The following SORCS2 variants were observed in gnomAD, a reference collection of about 807,000 sequenced individuals.
SORCS2 encodes VPS10 domain-containing receptor SorCS2.
In SORCS2, 100 loss-of-function variants were observed where a neutral mutation model predicts 141.6. That is an observed-to-expected ratio of 0.71 (90% CI 0.60 to 0.83). The LOEUF (loss-of-function observed/expected upper bound fraction) is 0.83. Among genes scored for constraint, SORCS2 ranks in the 40% least tolerant of loss-of-function variants. The pLI, the probability that SORCS2 is intolerant of heterozygous loss-of-function variation, is 0.00. For synonymous variants in SORCS2, 789 were observed against 676.9 expected (o/e 1.17, Z -2.57); for missense variants, 1,646 against 1,560.2 (o/e 1.05, Z -0.93).
At chr4:7,291,150 T>C (rs1446973041) in intron 1 of SORCS2, among the ~76,000 whole-genome samples, 1 of 152,044 alleles carries the variant, frequency 6.6e-6, no homozygotes, top group Non-Finnish European at 1.5e-5. Context: ...CAGAGGCACC[T>C]GTGACATGAA....
intron 1 of SORCS2, among the ~76,000 whole-genome samples, chr4:7,371,458 C>A (rs993349816): frequency 6.6e-6 from 1 of 152,164 alleles, no homozygotes; most frequent in Non-Finnish European, 1.5e-5. Flanking sequence ...CCTCACGCTC[C>A]GCCTTGCTCT....
In SORCS2 at chr4:7,697,301, C is replaced by T. The variant is rs572628461; in HGVS notation, c.1668+27C>T. 2.7e-5 allele frequency: 42 copies of T among 1,549,252 alleles called. No individual in the cohort carries two copies. In the African/African-American group the frequency reaches 5.4e-4, roughly 20 times the overall value. On this transcript the variant is annotated intron_variant, in intron 12 of 26. Coordinates refer to ENST00000507866, the MANE Select transcript of SORCS2 (RefSeq NM_020777.3). ...TAAGCTGGCTGGGAGGTGCCTGGTA[C>T]CCCCCACCCCATCCAGCCGGGACCC...
At chr4:7,468,860 G>A (rs1005507064) in intron 2 of SORCS2, among the ~76,000 whole-genome samples, 17 of 152,304 alleles carry the variant, frequency 1.1e-4, no homozygotes, top group Middle Eastern at 3.4e-3. Context: ...CCAAAACGCC[G>A]TATCTGTTGT....
intron 26 of SORCS2, among the ~76,000 whole-genome samples, chr4:7,738,383 T>A (rs906430962): frequency 6.6e-6 from 1 of 152,174 alleles, no homozygotes; most frequent in Non-Finnish European, 1.5e-5. Flanking sequence ...GACATGGAAG[T>A]GCAAAGACAT....
At chr4:7,362,939 C>A (rs62635988) in intron 1 of SORCS2, among the ~76,000 whole-genome samples, 18 of 44,990 alleles carry the variant, frequency 4.0e-4, no homozygotes, top group Middle Eastern at 0.011. Context: ...TCATTACTAC[C>A]AACATCACCA....
At chr4:7,641,785 G>C (rs1720742180) in intron 4 of SORCS2, among the ~76,000 whole-genome samples, 1 of 119,516 alleles carries the variant, frequency 8.4e-6, no homozygotes, top group African/African-American at 3.0e-5. Context: ...TAAATGGATG[G>C]ATGGATGGAT....
intron 2 of SORCS2, among the ~76,000 whole-genome samples, chr4:7,481,261 A>C (rs557408427): frequency 6.6e-6 from 1 of 152,376 alleles, no homozygotes; most frequent in African/African-American, 2.4e-5. Context: ...TACAGAATGA[A>C]TAGTCCACTC....
chr4:7,204,724 C>T (rs1258474519), intron 1 of SORCS2, among the ~76,000 whole-genome samples: 1 of 152,198 alleles, frequency 6.6e-6, no homozygotes, highest in African/African-American at 2.4e-5. Context: ...TCACCTTTCC[C>T]TGTTCTGTTC....
intron 2 of SORCS2, among the ~76,000 whole-genome samples, chr4:7,429,979 C>G (rs1304883997): frequency 6.6e-6 from 1 of 152,190 alleles, no homozygotes; most frequent in Non-Finnish European, 1.5e-5. Flanking sequence ...CAACCCCCGT[C>G]CGGTGCACAG....
At chr4:7,523,375 G>T (rs983931698) in intron 2 of SORCS2, among the ~76,000 whole-genome samples, 1 of 152,190 alleles carries the variant, frequency 6.6e-6, no homozygotes, top group African/African-American at 2.4e-5. Context: ...AGAGCCTTCA[G>T]GTCTGGCACC....
intron 2 of SORCS2, among the ~76,000 whole-genome samples, chr4:7,400,599 G>C (rs1020580541): frequency 5.3e-5 from 8 of 152,302 alleles, no homozygotes; most frequent in Admixed American, 2.0e-4. Flanking sequence ...ATACATGTTG[G>C]GCATTGGATG....
At chr4:7,540,341 T>G (rs1325872105) in intron 3 of SORCS2, among the ~76,000 whole-genome samples, 2 of 152,006 alleles carry the variant, frequency 1.3e-5, no homozygotes, top group Non-Finnish European at 2.9e-5. Flanking sequence ...CAGCTGAGAT[T>G]AGCCCGGGTC....
intron 1 of SORCS2, among the ~76,000 whole-genome samples, chr4:7,228,456 G>A (rs1711572211): frequency 6.6e-6 from 1 of 152,152 alleles, no homozygotes; most frequent in Non-Finnish European, 1.5e-5. Context: ...GATGAGGTGC[G>A]GATTCCCTCT....
chr4:7,298,274 T>A (rs1717211138), intron 1 of SORCS2, among the ~76,000 whole-genome samples: 1 of 152,000 alleles, frequency 6.6e-6, no homozygotes, highest in Non-Finnish European at 1.5e-5. Context: ...TCTGCACATA[T>A]GAGGGCAAGG....
chr4:7,260,390 C>T (rs544735962), intron 1 of SORCS2, among the ~76,000 whole-genome samples: 4 of 152,244 alleles, frequency 2.6e-5, no homozygotes, highest in African/African-American at 7.2e-5. Context: ...CACCTCCCCC[C>T]TCCCAGGAAT....
chr4:7,293,302 T>TA (rs74517356), intron 1 of SORCS2, among the ~76,000 whole-genome samples: 4,187 of 127,560 alleles, frequency 0.033, 105 homozygotes, highest in Admixed American at 0.089. Flanking sequence ...AGACTCCATC[T>TA]AAAAAAAAAA....
At chr4:7,512,523 G>A (rs190160899) in intron 2 of SORCS2, among the ~76,000 whole-genome samples, 36 of 152,178 alleles carry the variant, frequency 2.4e-4, no homozygotes, top group African/African-American at 7.0e-4. Context: ...AGTGCCACGG[G>A]TGCCACTCAC....
intron 1 of SORCS2, among the ~76,000 whole-genome samples, chr4:7,284,014 A>C (rs1716050526): frequency 6.6e-6 from 1 of 152,176 alleles, no homozygotes; most frequent in Non-Finnish European, 1.5e-5. Context: ...GGGGATGTAC[A>C]ACGTTACTAC....
At chr4:7,698,042 G>C (rs1180599355) in intron 12 of SORCS2, among the ~76,000 whole-genome samples, 1 of 151,956 alleles carries the variant, frequency 6.6e-6, no homozygotes, top group East Asian at 1.9e-4. Flanking sequence ...TCGGTACCAC[G>C]TGTCCTGCGT....
Sources: gnomAD v4.1 joint callset for allele counts (sites outside exome capture counted in the v4.1 genomes callset) on GRCh38, gnomAD v4.1.1 for gene constraint, MANE v1.5 for transcripts, NCBI Gene and HGNC (gene_info 2026-07-23, HGNC 2026-07-21) for gene names.